The following MAP4K3 variants were observed in gnomAD, a reference collection of about 807,000 sequenced individuals.
MAP4K3 encodes MAPK/ERK kinase kinase kinase 3.
Under a neutral mutation model 143.5 loss-of-function variants are expected in MAP4K3, and 94 were observed. The ratio of observed to expected loss-of-function variants is 0.65; its 90% confidence interval spans 0.55 to 0.78. The LOEUF (loss-of-function observed/expected upper bound fraction) is 0.78. Ranked by LOEUF, MAP4K3 falls within the 30% of genes least tolerant of loss-of-function variation. MAP4K3 has a pLI of 0.00. For missense variants in MAP4K3, 1,077 were observed against 1,068.1 expected (o/e 1.01, Z -0.12); for synonymous variants, 416 against 347.2 (o/e 1.20, Z -2.20).
At chr2:39,263,907 C>T (rs1680669409) in intron 28 of MAP4K3, among the ~76,000 whole-genome samples, 1 of 152,172 alleles carries the variant, frequency 6.6e-6, no homozygotes, top group South Asian at 2.1e-4. Flanking sequence ...CAGAGAAAAG[C>T]ATCTTTCATT....
At chr2:39,332,590 T>G (rs747982068) in intron 7 of MAP4K3, among the ~76,000 whole-genome samples, 1 of 152,070 alleles carries the variant, frequency 6.6e-6, no homozygotes, top group Non-Finnish European at 1.5e-5. Flanking sequence ...TAATGATGAC[T>G]TCTAAAACCT....
At chr2:39,273,067 T>C (rs1174297626) in intron 24 of MAP4K3, among the ~76,000 whole-genome samples, 2 of 151,914 alleles carry the variant, frequency 1.3e-5, no homozygotes, top group Admixed American at 6.6e-5. Flanking sequence ...AGCAGATATA[T>C]ATATATATGA....
At chr2:39,356,449 A>G in intron 2 of MAP4K3, 110 bp from the exon 3 acceptor site, 2 of 642,840 alleles carry the variant, frequency 3.1e-6, no homozygotes, top group South Asian at 1.9e-5. Context: ...AACATAATTA[A>G]TGAGTTATAA....
chr2:39,401,656 C>A (rs1666957497), intron 1 of MAP4K3, among the ~76,000 whole-genome samples: 1 of 151,880 alleles, frequency 6.6e-6, no homozygotes. Context: ...AAAAAAAAAG[C>A]CAGGCATGGT....
At chr2:39,259,701 A>G (rs1680487652) in intron 29 of MAP4K3, among the ~76,000 whole-genome samples, 1 of 152,226 alleles carries the variant, frequency 6.6e-6, no homozygotes, top group Admixed American at 6.5e-5. Flanking sequence ...AGGAAATGTG[A>G]AACATATAAA....
intron 1 of MAP4K3, among the ~76,000 whole-genome samples, chr2:39,409,003 A>G (rs766282894): frequency 6.6e-6 from 1 of 152,168 alleles, no homozygotes; most frequent in Non-Finnish European, 1.5e-5. Flanking sequence ...AGAAATTACA[A>G]TGTATTTCTG....
At chr2:39,309,434 C>A (rs376009076) in intron 14 of MAP4K3, 27 bp downstream of exon 14, 2 of 1,507,942 alleles carry the variant, frequency 1.3e-6, no homozygotes, top group Non-Finnish European at 1.8e-6. Context: ...ATTTTCAGTG[C>A]TAACATTCTA....
At chr2:39,259,955 T>A (rs970164868) in intron 29 of MAP4K3, among the ~76,000 whole-genome samples, 1 of 152,196 alleles carries the variant, frequency 6.6e-6, no homozygotes, top group African/African-American at 2.4e-5. Context: ...CCTCATTTTA[T>A]AGTAAGAGGT....
chr2:39,381,511 T>A (rs1166094309), intron 1 of MAP4K3, among the ~76,000 whole-genome samples: 1 of 152,232 alleles, frequency 6.6e-6, no homozygotes, highest in Non-Finnish European at 1.5e-5. Flanking sequence ...TAATTTTTGT[T>A]TCTTGTGTTT....
chr2:39,377,438 T>G (rs1026333222), intron 2 of MAP4K3, among the ~76,000 whole-genome samples: 6 of 151,920 alleles, frequency 3.9e-5, no homozygotes, highest in African/African-American at 1.5e-4. Context: ...TAAGAGAGAA[T>G]AAACAAAGAG....
Position 39,307,532 on chromosome 2 carries a change from T to C in MAP4K3, c.1119+411A>G, listed in dbSNP as rs150003619. Among the ~76,000 whole-genome samples the C allele has an allele frequency of 2.6e-3, 401 of 151,934 alleles. 1 individual carries two copies. Among genetic ancestry groups the C allele is most frequent in the African/African-American group, 9.0e-3 (374 of 41,502 alleles). ...TGTACCATGATATATGAATATTATA[T>C]ATGTAATGCATATGAATATATGTAC... On this transcript the variant is annotated intron_variant, in intron 15 of 33. Transcript: ENST00000263881.
chr2:39,418,740 C>A (rs1346409936), intron 1 of MAP4K3, among the ~76,000 whole-genome samples: 44 of 150,510 alleles, frequency 2.9e-4, no homozygotes, highest in African/African-American at 8.5e-4. Context: ...AAAAAAAAAA[C>A]AAAAAACCTT....
At chr2:39,392,489 A>G (rs12712641) in intron 1 of MAP4K3, among the ~76,000 whole-genome samples, 146,007 of 152,296 alleles carry the variant, frequency 0.96, 70,325 homozygotes, top group East Asian at 1. Context: ...ACTAAATCAT[A>G]TTTTTAGCCT....
intron 1 of MAP4K3, among the ~76,000 whole-genome samples, chr2:39,431,952 C>T (rs1007318043): frequency 2.0e-5 from 3 of 152,020 alleles, no homozygotes; most frequent in South Asian, 4.1e-4. Context: ...CTACAGAGGT[C>T]GGTTGTGCAA....
chr2:39,259,498 T>C (rs931233437), intron 29 of MAP4K3, among the ~76,000 whole-genome samples: 5 of 152,078 alleles, frequency 3.3e-5, no homozygotes, highest in Non-Finnish European at 5.9e-5. Flanking sequence ...GCAACTGGAG[T>C]TGTGTAAAAT....
At chr2:39,427,596 C>T (rs1185580763) in intron 1 of MAP4K3, among the ~76,000 whole-genome samples, 2 of 152,186 alleles carry the variant, frequency 1.3e-5, no homozygotes, top group Admixed American at 1.3e-4. Context: ...AGAAAGAGAA[C>T]AGAGAAAGAT....
In MAP4K3 at chr2:39,272,269, G is replaced by C. The variant is rs1484819361; in HGVS notation, c.1973+14C>G. 6 of 1,557,562 alleles carry C rather than the reference G, an allele frequency of 3.9e-6. No homozygotes were observed. In the South Asian group the frequency reaches 5.6e-5, roughly 15 times the overall value. Reference sequence around the variant, plus strand: ...ACTGTTAATATCATATTGCCTCTAAGGATGTACCCTTACCTTGGCAGTATT... The same window carrying C: ...ACTGTTAATATCATATTGCCTCTAACGATGTACCCTTACCTTGGCAGTATT... On this transcript the variant is annotated intron_variant, in intron 26 of 33. Coordinates refer to ENST00000263881, the MANE Select transcript of MAP4K3 (RefSeq NM_003618.4).
chr2:39,328,190 G>C (rs1477683440), intron 8 of MAP4K3, among the ~76,000 whole-genome samples: 3 of 152,054 alleles, frequency 2.0e-5, no homozygotes, highest in African/African-American at 7.2e-5. Flanking sequence ...AATTAGCTGG[G>C]CATGGTGGCG....
Position 39,250,662 on chromosome 2 carries a change from T to G in MAP4K3, c.2641A>C (p.Asn881His), listed in dbSNP as rs777297625. The change falls in exon 34 of 34, where the codon AAT becomes CAT. Residue 881 changes from asparagine to histidine, a missense_variant. This residue lies in a region of MAP4K3 where 864 missense variants were observed against 801.2 expected (regional missense o/e 1.08). Coordinates refer to ENST00000263881, the MANE Select transcript of MAP4K3 (RefSeq NM_003618.4). Reference sequence around the variant, plus strand: ...CCCGCCAGGATGTACAAATTGCTATTTGCTGTGGGGTTATCAGTTGGCCTA... The same window carrying G: ...CCCGCCAGGATGTACAAATTGCTATGTGCTGTGGGGTTATCAGTTGGCCTA... ...ESRPTDNPTA[N>H]SNLYILAGHE... 1 of 1,614,034 alleles carries G rather than the reference T, an allele frequency of 6.2e-7. No individual in the cohort carries two copies. The highest frequency in any genetic ancestry group is 1.1e-5 in the South Asian group (1 of 91,058).
Sources: gnomAD v4.1 joint callset for allele counts (sites outside exome capture counted in the v4.1 genomes callset) on GRCh38, gnomAD v4.1.1 for gene constraint, gnomAD v4.1.1 regional missense constraint, MANE v1.5 for transcripts, NCBI Gene and HGNC (gene_info 2026-07-23, HGNC 2026-07-21) for gene names.